The following FNIP1 variants were observed in gnomAD, a reference collection of about 807,000 sequenced individuals.
The protein encoded by FNIP1 is folliculin interacting protein 1.
In FNIP1, 40 loss-of-function variants were observed where a neutral mutation model predicts 124.5. The ratio of observed to expected loss-of-function variants is 0.32; its 90% CI spans 0.25 to 0.42. The LOEUF is 0.42. Among genes scored for constraint, FNIP1 ranks in the 10% least tolerant of loss-of-function variants. The probability of loss-of-function intolerance (pLI) is 1.00; values close to 1 mark genes in which losing one functional copy is unlikely to be tolerated. For synonymous variants in FNIP1, 472 were observed against 470.6 expected (o/e 1.00, Z -0.04); for missense variants, 1,176 against 1,403.7 (o/e 0.84, Z 2.59).
rs549943516 is a variant in FNIP1, at chr5:131,644,028, A to C, written c.*657T>G. ...TAAGTAATATTTCAGCATTATAGAC[A>C]ATACTAGTTGAAAATATATATATTT... On this transcript the variant is annotated 3_prime_UTR_variant, in exon 18 of 18. Transcript: ENST00000510461. 7 of 152,520 alleles carry C rather than the reference A, an allele frequency of 4.6e-5. No homozygotes were observed. The South Asian group carries it at 1.4e-3, about 32-fold the overall frequency. 9.4% of individuals were successfully genotyped at this position (152,520 alleles called of 1,614,324 possible).
chr5:131,709,181 A>G lies in FNIP1; in HGVS notation c.778+20T>C, dbSNP rs963138793. On this transcript the variant is annotated intron_variant, in intron 8 of 17. Transcript: ENST00000510461. ...CAACAGTAATCTCATAAAAAACTGA[A>G]TACAAGAACGTGACATTACCAGACC... 1 of 1,605,950 alleles carries G rather than the reference A, an allele frequency of 6.2e-7. No homozygotes were observed. The highest frequency in any genetic ancestry group is 8.5e-7 in the Non-Finnish European group (1 of 1,173,482).
chr5:131,754,455 A>G (rs560716206), intron 1 of FNIP1, among the ~76,000 whole-genome samples: 1 of 152,386 alleles, frequency 6.6e-6, no homozygotes, highest in South Asian at 2.1e-4. Flanking sequence ...AAATGTGTCA[A>G]AGCTGGGTTT....
rs768040364 is a variant in FNIP1 at position 131,671,466 on chromosome 5, T to C, written c.2939+39A>G. The C allele has an allele frequency of 2.0e-6, 3 of 1,465,472 alleles. 1 individual carries two copies. The South Asian group carries it at 3.7e-5, about 18-fold the overall frequency. The allele number at this position is 1,465,472 out of a possible 1,614,324, so 90.8% of individuals were successfully genotyped here. A position where few individuals can be genotyped will look rare whatever the true frequency, so the allele number is the denominator to read the frequency against. On this transcript the variant is annotated intron_variant, in intron 14 of 17. Coordinates refer to ENST00000510461, the MANE Select transcript of FNIP1 (RefSeq NM_133372.3). The stretch of plus-strand genomic sequence containing the variant: ...AGCTAAAAAAGAGAATGGTACATAT[T>C]TATATAGGGCCCATTATAGGTGAAA...
chr5:131,774,880 C>T (rs555410562), intron 1 of FNIP1, among the ~76,000 whole-genome samples: 7 of 152,262 alleles, frequency 4.6e-5, no homozygotes, highest in African/African-American at 1.7e-4. Context: ...ACATATGATA[C>T]CCATAAATGT....
chr5:131,744,131 TAA>T (rs1439410303), intron 2 of FNIP1, among the ~76,000 whole-genome samples: 2 of 150,978 alleles, frequency 1.3e-5, no homozygotes, highest in Non-Finnish European at 3.0e-5. Flanking sequence ...TAATCAAAAT[TAA>T]GAGTAAGGGA....
At position 131,644,588 on chromosome 5, in the gene FNIP1, G is replaced by T; in HGVS notation, c.*97C>A. ...TGGTGACTGACTCATTCAGATGGAA[G>T]TCTAAAAGGGAAAAAGAATCTCCAT... is the stretch of plus-strand genomic sequence containing the variant. On this transcript the variant is annotated 3_prime_UTR_variant, in exon 18 of 18. Transcript: ENST00000510461. 1 of 1,024,500 alleles carries T rather than the reference G, an allele frequency of 9.8e-7. No individual in the cohort carries two copies. The highest frequency in any genetic ancestry group is 1.5e-6 in the Non-Finnish European group (1 of 665,980). The allele number at this position is 1,024,500 out of a possible 1,614,324, so 63.5% of individuals were successfully genotyped here.
chr5:131,773,948 T>G (rs1771722665), intron 1 of FNIP1, among the ~76,000 whole-genome samples: 1 of 152,176 alleles, frequency 6.6e-6, no homozygotes, highest in Admixed American at 6.5e-5. Context: ...TGGCTGGCAT[T>G]AAAAAGAGGG....
intron 11 of FNIP1, among the ~76,000 whole-genome samples, chr5:131,693,333 C>CATATATATATATATACAT (rs1768564344): frequency 2.0e-5 from 1 of 50,124 alleles, no homozygotes; most frequent in African/African-American, 6.8e-5. Flanking sequence ...TATATATATA[C>CATATATATATATATACAT]ATATATATAT....
At chr5:131,690,965 G>T (rs1768460712) in intron 11 of FNIP1, among the ~76,000 whole-genome samples, 2 of 152,156 alleles carry the variant, frequency 1.3e-5, no homozygotes, top group Non-Finnish European at 2.9e-5. Context: ...CGGAAAATTA[G>T]TAAGGATATA....
chr5:131,721,755 G>A (rs1280615737), intron 3 of FNIP1, among the ~76,000 whole-genome samples: 4 of 152,328 alleles, frequency 2.6e-5, no homozygotes, highest in East Asian at 1.9e-4. Flanking sequence ...TGGAGATCAC[G>A]CCATTGCACT....
chr5:131,731,270 G>A (rs1268901659), intron 2 of FNIP1, among the ~76,000 whole-genome samples: 1 of 152,102 alleles, frequency 6.6e-6, no homozygotes, highest in African/African-American at 2.4e-5. Context: ...ATTATATCCT[G>A]AGAATTTTCT....
chr5:131,795,076 C>T (rs2149593413), intron 1 of FNIP1, among the ~76,000 whole-genome samples: 1 of 152,280 alleles, frequency 6.6e-6, no homozygotes, highest in African/African-American at 2.4e-5. Context: ...TGACATTAAC[C>T]AGAATGGTTT....
intron 1 of FNIP1, among the ~76,000 whole-genome samples, chr5:131,792,407 T>A (rs1402003985): frequency 6.6e-6 from 1 of 152,158 alleles, no homozygotes; most frequent in East Asian, 1.9e-4. Flanking sequence ...GTGATCCACC[T>A]GCCTCGGCCT....
At position 131,718,968 on chromosome 5, in the gene FNIP1, G is replaced by A; in HGVS notation, c.530+18C>T. 1.2e-6 allele frequency: 2 copies of A among 1,606,164 alleles called. No individual in the cohort carries two copies. Among genetic ancestry groups the A allele is most frequent in the Non-Finnish European group, 1.7e-6 (2 of 1,173,232 alleles). On this transcript the variant is annotated intron_variant, in intron 5 of 17. Coordinates refer to ENST00000510461, the MANE Select transcript of FNIP1 (RefSeq NM_133372.3). Reference sequence around the variant, plus strand: ...CATCTAAAGTGATACATTTCCCCCTGTATCCATAAGCACTTACGTATTGAG... The same window carrying A: ...CATCTAAAGTGATACATTTCCCCCTATATCCATAAGCACTTACGTATTGAG...
At chr5:131,673,013 A>T in intron 13 of FNIP1, 89 bp from the exon 14 acceptor site, 1 of 947,704 alleles carries the variant, frequency 1.1e-6, no homozygotes, top group Non-Finnish European at 1.5e-6. Context: ...TACTTCTTTT[A>T]CTGTATGAGT....
At chr5:131,681,212 T>C (rs902086824) in intron 11 of FNIP1, among the ~76,000 whole-genome samples, 4 of 152,168 alleles carry the variant, frequency 2.6e-5, no homozygotes, top group African/African-American at 9.7e-5. Flanking sequence ...GAGTATATCT[T>C]GTAGTGTTAA....
intron 3 of FNIP1, among the ~76,000 whole-genome samples, chr5:131,725,418 A>C (rs1291670): frequency 0.93 from 142,098 of 152,248 alleles, 66,517 homozygotes; most frequent in Middle Eastern, 0.99. Context: ...TCCTTCACAT[A>C]CCTTGTAAGT....
In FNIP1 at chr5:131,672,026, T is replaced by C. The variant is rs1159219190; in HGVS notation, c.2418A>G (p.Gly806=). 1.2e-6 allele frequency: 2 copies of C among 1,614,194 alleles called. No homozygotes were observed. Among genetic ancestry groups the C allele is most frequent in the East Asian group, 4.5e-5 (2 of 44,880 alleles). Residue 806 remains glycine (G), a synonymous_variant, in exon 14 of 18, where the codon GGA becomes GGG. Coordinates refer to ENST00000510461, the MANE Select transcript of FNIP1 (RefSeq NM_133372.3). ...AAACCATGTTCTGTGTATCAGACTCTCCAGATTGGTCCTTGGTTGTTTGTT... is the reference window on the plus strand; with the variant it reads ...AAACCATGTTCTGTGTATCAGACTCCCCAGATTGGTCCTTGGTTGTTTGTT... ...ETKQTTKDQS[G]ESDTQNMVSE...
At chr5:131,776,855 TA>T (rs1771825051) in intron 1 of FNIP1, among the ~76,000 whole-genome samples, 1 of 152,218 alleles carries the variant, frequency 6.6e-6, no homozygotes, top group Non-Finnish European at 1.5e-5. Context: ...ATATATTATA[TA>T]AAGTGTGTTC....
Sources: gnomAD v4.1 joint callset for allele counts (sites outside exome capture counted in the v4.1 genomes callset) on GRCh38, gnomAD v4.1.1 for gene constraint, MANE v1.5 for transcripts, NCBI Gene and HGNC (gene_info 2026-07-23, HGNC 2026-07-21) for gene names.